The following ZRANB3 variants were observed in gnomAD, a reference collection of about 807,000 sequenced individuals.
ZRANB3 encodes zinc finger RANBP2-type containing 3.
ZRANB3 carries 125 observed loss-of-function variants against 133.8 expected under a neutral mutation model. The ratio of observed to expected loss-of-function variants is 0.93; its 90% CI spans 0.81 to 1.08. ZRANB3 has a LOEUF of 1.08. Ranked by LOEUF, ZRANB3 falls within the 50% of genes least tolerant of loss-of-function variation. ZRANB3 has a pLI of 0.00. For synonymous variants in ZRANB3, 387 were observed against 432.7 expected (o/e 0.89, Z 1.31); for missense variants, 1,229 against 1,275.5 (o/e 0.96, Z 0.56).
intron 6 of ZRANB3, among the ~76,000 whole-genome samples, chr2:135,318,672 A>C (rs901894335): frequency 6.6e-6 from 1 of 152,172 alleles, no homozygotes; most frequent in Admixed American, 6.5e-5. Flanking sequence ...AGAGACCGAA[A>C]AGTTTACGTG....
chr2:135,287,778 G>A (rs1025762386), intron 8 of ZRANB3, among the ~76,000 whole-genome samples: 13 of 147,620 alleles, frequency 8.8e-5, no homozygotes, highest in Admixed American at 3.5e-4. Context: ...TGTGTACATC[G>A]ATTTTGTATC....
chr2:135,436,783 C>CA lies in ZRANB3; in HGVS notation c.162-45964dup, dbSNP rs59238609. 5.3e-3 allele frequency among the ~76,000 whole-genome samples: 792 copies of CA among 149,340 alleles called. 28 individuals are homozygous for CA. The East Asian group carries it at 0.072, about 14-fold the overall frequency. On this transcript the variant is annotated intron_variant, in intron 2 of 20. Transcript: ENST00000264159. ...AACTATTTTAAAATTGATATGAAACCAAAAAAAAAGCCCCAATAGCCAAGG... is the reference window on the plus strand; with the variant it reads ...AACTATTTTAAAATTGATATGAAACCAAAAAAAAAAGCCCCAATAGCCAAGG...
At chr2:135,435,847 G>A (rs1386532198) in intron 2 of ZRANB3, among the ~76,000 whole-genome samples, 1 of 151,864 alleles carries the variant, frequency 6.6e-6, no homozygotes, top group Non-Finnish European at 1.5e-5. Context: ...TTTTTCTCTT[G>A]TGAATTTTTT....
intron 2 of ZRANB3, among the ~76,000 whole-genome samples, chr2:135,405,451 A>T (rs1288057599): frequency 6.6e-6 from 1 of 152,208 alleles, no homozygotes; most frequent in African/African-American, 2.4e-5. Flanking sequence ...AATTAAATAC[A>T]GCTCTGCACC....
chr2:135,343,302 T>C (rs995204280), intron 6 of ZRANB3, among the ~76,000 whole-genome samples: 1 of 149,948 alleles, frequency 6.7e-6, no homozygotes, highest in African/African-American at 2.5e-5. Flanking sequence ...GAATTATATT[T>C]ATGTCTTTCT....
chr2:135,331,912 TA>T (rs941201557), intron 6 of ZRANB3, among the ~76,000 whole-genome samples: 4 of 152,082 alleles, frequency 2.6e-5, no homozygotes, highest in African/African-American at 4.8e-5. Context: ...TGTGGTTTGT[TA>T]AAAATAAGTA....
At chr2:135,234,311 A>G (rs1695185395) in intron 12 of ZRANB3, among the ~76,000 whole-genome samples, 1 of 152,218 alleles carries the variant, frequency 6.6e-6, no homozygotes, top group Admixed American at 6.5e-5. Flanking sequence ...TTAGAGACCT[A>G]CAAAGAGACT....
chr2:135,516,534 T>G (rs1693705818), intron 1 of ZRANB3, among the ~76,000 whole-genome samples: 1 of 152,216 alleles, frequency 6.6e-6, no homozygotes, highest in South Asian at 2.1e-4. Flanking sequence ...GAAGCTTAGT[T>G]TGGCTGGATA....
chr2:135,395,478 GAC>G lies in ZRANB3; in HGVS notation c.162-4660_162-4659del, dbSNP rs1355463505. On this transcript the variant is annotated intron_variant, in intron 2 of 20. Coordinates refer to ENST00000264159, the MANE Select transcript of ZRANB3 (RefSeq NM_032143.4). ...TTTTTTTAATTTTTTTTAGTTTTGA[GAC>G]ACAGTTTCATTCTGTCACCCAGGCT... Among the ~76,000 whole-genome samples, 205 of 145,494 alleles carry G rather than the reference GAC, an allele frequency of 1.4e-3. 1 individual carries two copies. Among genetic ancestry groups the G allele is most frequent in the African/African-American group, 5.2e-3 (200 of 38,748 alleles).
intron 12 of ZRANB3, among the ~76,000 whole-genome samples, chr2:135,248,500 T>C (rs540402728): frequency 6.6e-5 from 10 of 152,142 alleles, no homozygotes; most frequent in Non-Finnish European, 1.3e-4. Context: ...ACAGACAACC[T>C]ACAGAAAGGA....
At position 135,217,602 on chromosome 2, in the gene ZRANB3, C is replaced by G; in HGVS notation, c.2358G>C (p.Leu786Phe). The G allele has an allele frequency of 2.5e-6, 4 of 1,609,454 alleles. No individual in the cohort carries two copies. The highest frequency in any genetic ancestry group is 3.4e-6 in the Non-Finnish European group (4 of 1,178,874). The change falls in exon 17 of 21, where the codon TTG (leucine) becomes TTC (phenylalanine). Residue 786 changes from leucine to phenylalanine, a missense_variant. Transcript: ENST00000264159. ...GACTACTCCATTCTCGAACAAATCT[C>G]AAAATCTGGCAGAAAATGAGATAAT... ...FQLKQYRSLI[L>F]RFVREWSSLT... is the part of the protein sequence containing the mutation.
chr2:135,460,264 CT>C (rs34897781), intron 2 of ZRANB3, among the ~76,000 whole-genome samples: 163 of 144,846 alleles, frequency 1.1e-3, no homozygotes, highest in African/African-American at 1.2e-3. Flanking sequence ...AAACAGCTAA[CT>C]TTTTTTTTTT....
chr2:135,385,651 T>C (rs997559091), intron 3 of ZRANB3, among the ~76,000 whole-genome samples: 13 of 152,120 alleles, frequency 8.5e-5, no homozygotes, highest in African/African-American at 2.9e-4. Flanking sequence ...TATTGAGCAA[T>C]AGATCGGGAA....
chr2:135,349,415 C>A (rs1337764090), intron 5 of ZRANB3, among the ~76,000 whole-genome samples: 1 of 152,220 alleles, frequency 6.6e-6, no homozygotes. Flanking sequence ...TTCTTCCTAA[C>A]CCTTTAACCA....
intron 5 of ZRANB3, among the ~76,000 whole-genome samples, chr2:135,346,502 T>A (rs1684932685): frequency 6.6e-6 from 1 of 152,208 alleles, no homozygotes; most frequent in South Asian, 2.1e-4. Context: ...TATATCTGTA[T>A]CTATTAATCA....
intron 19 of ZRANB3, among the ~76,000 whole-genome samples, chr2:135,203,594 G>C (rs921036120): frequency 2.0e-5 from 3 of 148,612 alleles, no homozygotes; most frequent in African/African-American, 7.5e-5. Flanking sequence ...ACTCCAGCCT[G>C]GGTGACAGAC....
intron 8 of ZRANB3, among the ~76,000 whole-genome samples, chr2:135,307,566 G>A (rs948332434): frequency 3.3e-5 from 5 of 152,054 alleles, no homozygotes; most frequent in African/African-American, 1.2e-4. Context: ...TTGTCTAATA[G>A]TTCTACAATC....
At chr2:135,349,392 C>A (rs1685089232) in intron 5 of ZRANB3, among the ~76,000 whole-genome samples, 1 of 152,232 alleles carries the variant, frequency 6.6e-6, no homozygotes, top group Non-Finnish European at 1.5e-5. Context: ...ACAGACATTT[C>A]TTCCATCATG....
intron 14 of ZRANB3, among the ~76,000 whole-genome samples, chr2:135,226,286 C>A (rs1694758626): frequency 6.6e-6 from 1 of 152,202 alleles, no homozygotes; most frequent in Non-Finnish European, 1.5e-5. Context: ...TTCTTCCAAA[C>A]TCCTGGAATT....
Sources: gnomAD v4.1 joint callset for allele counts (sites outside exome capture counted in the v4.1 genomes callset) on GRCh38, gnomAD v4.1.1 for gene constraint, MANE v1.5 for transcripts, NCBI Gene and HGNC (gene_info 2026-07-23, HGNC 2026-07-21) for gene names.